PCBP3: variants seen among roughly 807,000 people sequenced by gnomAD.
The protein encoded by PCBP3 is poly(rC) binding protein 3, also known as poly(rC)-binding protein 3.
PCBP3 carries 25 observed loss-of-function variants against 52.7 expected under a neutral mutation model. That is an observed-to-expected ratio of 0.47 (90% CI 0.35 to 0.66). The LOEUF (loss-of-function observed/expected upper bound fraction) is 0.66. Among genes scored for constraint, PCBP3 ranks in the 30% least tolerant of loss-of-function variants. The pLI is 0.01. For synonymous variants in PCBP3, 162 were observed against 183.0 expected (o/e 0.89, Z 0.93); for missense variants, 391 against 490.3 (o/e 0.80, Z 1.91).
intron 5 of PCBP3, among the ~76,000 whole-genome samples, chr21:45,874,448 T>C (rs1373570007): frequency 6.6e-6 from 1 of 152,088 alleles, no homozygotes; most frequent in Admixed American, 6.6e-5. Flanking sequence ...GTTGGGTCTA[T>C]CCCAACTCTT....
At chr21:45,840,517 A>G (rs1400650950) in intron 4 of PCBP3, among the ~76,000 whole-genome samples, 1 of 151,928 alleles carries the variant, frequency 6.6e-6, no homozygotes, top group Non-Finnish European at 1.5e-5. Context: ...AAAGAAAAAT[A>G]TTTTCATAAA....
chr21:45,919,867 G>A (rs557157044), intron 13 of PCBP3, among the ~76,000 whole-genome samples: 1 of 152,256 alleles, frequency 6.6e-6, no homozygotes, highest in Non-Finnish European at 1.5e-5. Flanking sequence ...CCGTGCATGT[G>A]TGTGGCAGGG....
At chr21:45,883,690 A>G (rs548113563) in intron 5 of PCBP3, among the ~76,000 whole-genome samples, 1 of 152,146 alleles carries the variant, frequency 6.6e-6, no homozygotes, top group African/African-American at 2.4e-5. Flanking sequence ...CGATATTAAT[A>G]TAGCCATTCC....
At chr21:45,652,346 A>G (rs1380533081) in intron 1 of PCBP3, among the ~76,000 whole-genome samples, 2 of 152,206 alleles carry the variant, frequency 1.3e-5, no homozygotes, top group Non-Finnish European at 2.9e-5. Flanking sequence ...AAGCAGAATA[A>G]AATCTTGATA....
At chr21:45,806,888 C>T (rs929234980) in intron 4 of PCBP3, among the ~76,000 whole-genome samples, 5 of 152,308 alleles carry the variant, frequency 3.3e-5, no homozygotes, top group South Asian at 4.2e-4. Context: ...ATCAGATGCT[C>T]CGAGCTCCTT....
intron 3 of PCBP3, among the ~76,000 whole-genome samples, chr21:45,752,031 C>A (rs760554280): frequency 1.3e-5 from 2 of 152,060 alleles, no homozygotes; most frequent in African/African-American, 2.4e-5. Flanking sequence ...GATATTATTT[C>A]TTTTCCTGTG....
chr21:45,671,713 T>A (rs1482047815), intron 2 of PCBP3, among the ~76,000 whole-genome samples: 1 of 152,148 alleles, frequency 6.6e-6, no homozygotes, highest in East Asian at 1.9e-4. Flanking sequence ...TGGGGACAAT[T>A]TTTTGATGAG....
chr21:45,931,150 G>A (rs1049030477), intron 15 of PCBP3, among the ~76,000 whole-genome samples: 4 of 152,262 alleles, frequency 2.6e-5, no homozygotes, highest in African/African-American at 4.8e-5. Flanking sequence ...AACCCTTAAG[G>A]AGGAAGATCA....
chr21:45,818,170 G>C (rs1008205562), intron 4 of PCBP3, among the ~76,000 whole-genome samples: 62 of 152,166 alleles, frequency 4.1e-4, no homozygotes, highest in African/African-American at 1.3e-3. Flanking sequence ...CTACAGGTGC[G>C]TGCCACCAAG....
chr21:45,707,114 G>C (rs2083497636), intron 2 of PCBP3, among the ~76,000 whole-genome samples: 1 of 152,078 alleles, frequency 6.6e-6, no homozygotes, highest in African/African-American at 2.4e-5. Flanking sequence ...CTTTCTACTT[G>C]GAAATATTCC....
rs16978595 is a variant in PCBP3, at chr21:45,800,428, C to G, written c.-126+44976C>G. Among the ~76,000 whole-genome samples the G allele has an allele frequency of 5.7e-3, 866 of 152,318 alleles. 7 individuals are homozygous for G. The highest frequency in any genetic ancestry group is 0.019 in the African/African-American group (809 of 41,570). On this transcript the variant is annotated intron_variant, in intron 4 of 17. Coordinates refer to ENST00000681687, the MANE Select transcript of PCBP3 (RefSeq NM_001384156.1). The surrounding 1 kb of genome is among the most constrained non-coding windows in gnomAD (Gnocchi z 5.3). ...TGGAACCTGAGGGTAAATGGAGAGGCTCTTTACCAGCACTGAACTCTGAGC... is the reference window on the plus strand; with the variant it reads ...TGGAACCTGAGGGTAAATGGAGAGGGTCTTTACCAGCACTGAACTCTGAGC...
chr21:45,649,783 T>C (rs1396210017), intron 1 of PCBP3, among the ~76,000 whole-genome samples: 1 of 152,152 alleles, frequency 6.6e-6, no homozygotes, highest in Non-Finnish European at 1.5e-5. Context: ...GACTGAATTA[T>C]GAACTTTGTT....
At chr21:45,785,262 C>T (rs1235835304) in intron 4 of PCBP3, among the ~76,000 whole-genome samples, 2 of 151,720 alleles carry the variant, frequency 1.3e-5, no homozygotes, top group Admixed American at 6.6e-5. Context: ...CATCTCCGCC[C>T]GGCAGCCACC....
rs564708305 is a variant in PCBP3 at position 45,810,360 on chromosome 21, C to T, written c.-125-39601C>T. On this transcript the variant is annotated intron_variant, in intron 4 of 17. Coordinates refer to ENST00000681687, the MANE Select transcript of PCBP3 (RefSeq NM_001384156.1). ...GCTCAAGCAGTCTTCACACCCCAGCCTCCCGAGTAGCTGGGAGTACAGGTG... is the reference window on the plus strand; with the variant it reads ...GCTCAAGCAGTCTTCACACCCCAGCTTCCCGAGTAGCTGGGAGTACAGGTG... Among the ~76,000 whole-genome samples the T allele has an allele frequency of 2.0e-3, 311 of 152,044 alleles. 2 individuals carry two copies. The highest frequency in any genetic ancestry group is 7.0e-3 in the African/African-American group (292 of 41,428).
chr21:45,900,626 G>A lies in PCBP3; in HGVS notation c.222+3G>A. On this transcript the variant is annotated splice_donor_region_variant and intron_variant, in intron 8 of 17. Coordinates refer to ENST00000681687, the MANE Select transcript of PCBP3 (RefSeq NM_001384156.1). The stretch of plus-strand genomic sequence containing the variant: ...CTGTGAAGAAGATGCGTGAGGAGGT[G>A]AGTGTGGTGGGTCCCCACCTGTCCG... The A allele has an allele frequency of 6.4e-7, 1 of 1,569,434 alleles. No homozygotes were observed. The highest frequency in any genetic ancestry group is 8.7e-7 in the Non-Finnish European group (1 of 1,146,632).
chr21:45,913,454 G>C (rs1350655677), intron 11 of PCBP3, among the ~76,000 whole-genome samples: 1 of 152,178 alleles, frequency 6.6e-6, no homozygotes, highest in African/African-American at 2.4e-5. Context: ...ATTGCTCCAA[G>C]GGGCAGCTCC....
intron 6 of PCBP3, among the ~76,000 whole-genome samples, chr21:45,897,960 G>A (rs532612495): frequency 7.9e-4 from 120 of 152,316 alleles, no homozygotes; most frequent in Non-Finnish European, 1.4e-3. Flanking sequence ...GCCTCCCGCC[G>A]GGAGGAGGCT....
intron 17 of PCBP3, among the ~76,000 whole-genome samples, chr21:45,940,483 C>T (rs1603579717): frequency 6.6e-6 from 1 of 152,246 alleles, no homozygotes; most frequent in Non-Finnish European, 1.5e-5. Context: ...TGGCCTCAGA[C>T]AGGTGGCCAG....
At chr21:45,813,916 G>T (rs1476416471) in intron 4 of PCBP3, among the ~76,000 whole-genome samples, 1 of 152,124 alleles carries the variant, frequency 6.6e-6, no homozygotes, top group Non-Finnish European at 1.5e-5. Flanking sequence ...GATGTTCATT[G>T]GATAGTCGTG....
Sources: gnomAD v4.1 joint callset for allele counts (sites outside exome capture counted in the v4.1 genomes callset) on GRCh38, gnomAD v4.1.1 for gene constraint, Gnocchi (gnomAD v3.1) non-coding constraint, MANE v1.5 for transcripts, NCBI Gene and HGNC (gene_info 2026-07-23, HGNC 2026-07-21) for gene names.